The following FRRS1 variants were observed in gnomAD, a reference collection of about 807,000 sequenced individuals.
The protein encoded by FRRS1 is ferric reductase 1.
A neutral mutation model predicts 70.7 loss-of-function variants in FRRS1; 51 were observed. That is an observed-to-expected ratio of 0.72 (90% CI 0.58 to 0.91). The LOEUF is 0.91. FRRS1 is among the 40% of genes least tolerant of loss of function. The pLI, the probability that FRRS1 is intolerant of heterozygous loss-of-function variation, is 0.00. For missense variants in FRRS1, 672 were observed against 726.0 expected, an observed-to-expected ratio of 0.93 and a Z score of 0.86; for synonymous variants, 225 against 238.7, an observed-to-expected ratio of 0.94 and a Z score of 0.53.
chr1:99,705,325 A>T lies in FRRS1; in HGVS notation c.*3703T>A, dbSNP rs1654007993. Among the ~76,000 whole-genome samples the T allele has an allele frequency of 6.6e-6, 1 of 152,184 alleles. No homozygotes were observed. Among genetic ancestry groups the T allele is most frequent in the Non-Finnish European group, 1.5e-5 (1 of 68,016 alleles). ...CATCTGTGACCTGGGTGCAGAGATG[A>T]GCTTGGTAGGGGCTGCACAAGGAAG... On this transcript the variant is annotated 3_prime_UTR_variant, in exon 17 of 17. Transcript: ENST00000646001.
rs1303828978 is a variant in FRRS1 at position 99,719,484 on chromosome 1, T to TG, written c.1120+49dup. 4 of 915,002 alleles carry TG rather than the reference T, an allele frequency of 4.4e-6. No homozygotes were observed. The African/African-American group carries it at 4.9e-5, about 11-fold the overall frequency. The allele number at this position is 915,002 out of a possible 1,614,324, so 56.7% of individuals were successfully genotyped here. A position where few individuals can be genotyped will look rare whatever the true frequency, so the allele number is the denominator to read the frequency against. On this transcript the variant is annotated intron_variant, in intron 10 of 16. Coordinates refer to ENST00000646001, the MANE Select transcript of FRRS1 (RefSeq NM_001361041.2). ...CAGCCATTCCTAATCCAGCCAGCAC[T>TG]GAGTCAGCAGGTAAGTTGATTCCAC...
Position 99,715,617 on chromosome 1 carries a change from A to G in FRRS1, c.1292T>C (p.Met431Thr), listed in dbSNP as rs1272886116. The change falls in exon 12 of 17, where the codon ATG becomes ACG. Residue 431 changes from methionine to threonine, a missense_variant. Coordinates refer to ENST00000646001, the MANE Select transcript of FRRS1 (RefSeq NM_001361041.2). ...CCAGCCTCCCCTGTATATAAACGGCATAACAAAAGCAATGCAGGTGAGGAC... is the reference window on the plus strand; with the variant it reads ...CCAGCCTCCCCTGTATATAAACGGCGTAACAAAAGCAATGCAGGTGAGGAC... ...TTVLTCIAFV[M>T]PFIYRGGWSR... The G allele has an allele frequency of 1.9e-6, 3 of 1,613,430 alleles. No homozygotes were observed. The Admixed American group carries it at 5.0e-5, about 27-fold the overall frequency.
intron 6 of FRRS1, among the ~76,000 whole-genome samples, chr1:99,740,453 C>A (rs1557698885): frequency 6.6e-6 from 1 of 152,194 alleles, no homozygotes; most frequent in Admixed American, 6.5e-5. Context: ...CTTTGCCACA[C>A]AAAATACACA....
At chr1:99,731,999 A>C (rs1655411664) in intron 7 of FRRS1, among the ~76,000 whole-genome samples, 1 of 152,176 alleles carries the variant, frequency 6.6e-6, no homozygotes, top group African/African-American at 2.4e-5. Flanking sequence ...TGTTTTCTAT[A>C]ATATCCATCA....
chr1:99,749,034 A>T, intron 1 of FRRS1, 33 bp from the exon 2 acceptor site: 1 of 294,768 alleles, frequency 3.4e-6, no homozygotes, highest in Middle Eastern at 1.0e-3. Flanking sequence ...TCTCTTTTCA[A>T]TGCTGTTTTT....
At chr1:99,745,152 A>C (rs1357019204) in intron 4 of FRRS1, among the ~76,000 whole-genome samples, 1 of 152,202 alleles carries the variant, frequency 6.6e-6, no homozygotes, top group African/African-American at 2.4e-5. Context: ...AAGAAAGAGC[A>C]GGCTATCTCT....
chr1:99,737,053 G>T (rs1655710953), intron 7 of FRRS1, among the ~76,000 whole-genome samples: 1 of 142,778 alleles, frequency 7.0e-6, no homozygotes, highest in South Asian at 2.3e-4. Flanking sequence ...GAACGCCTGT[G>T]CTAATAAGGG....
chr1:99,737,367 C>T (rs1310263132), intron 7 of FRRS1, among the ~76,000 whole-genome samples: 1 of 152,192 alleles, frequency 6.6e-6, no homozygotes, highest in African/African-American at 2.4e-5. Flanking sequence ...TTAGGAAAGG[C>T]ACTGATGACT....
At chr1:99,761,616 TA>T (rs1190068731) in intron 1 of FRRS1, among the ~76,000 whole-genome samples, 1 of 152,180 alleles carries the variant, frequency 6.6e-6, no homozygotes, top group African/African-American at 2.4e-5. Context: ...AAAACAATAG[TA>T]AATACTATTA....
chr1:99,707,095 C>A lies in FRRS1; in HGVS notation c.*1933G>T, dbSNP rs1233668600. On this transcript the variant is annotated 3_prime_UTR_variant, in exon 17 of 17. Transcript: ENST00000646001. ...TAGCATGGCACATATAGAATATGAA[C>A]ACAGAAAGTTCATATCTAAGCCCTA... Among the ~76,000 whole-genome samples, 1 of 151,858 alleles carries A rather than the reference C, an allele frequency of 6.6e-6. No homozygotes were observed. The highest frequency in any genetic ancestry group is 1.5e-5 in the Non-Finnish European group (1 of 67,958).
intron 12 of FRRS1, among the ~76,000 whole-genome samples, chr1:99,713,965 A>C (rs1654396783): frequency 6.6e-6 from 1 of 152,080 alleles, no homozygotes; most frequent in Admixed American, 6.6e-5. Context: ...AATCATGGCA[A>C]AGACTATAAA....
intron 7 of FRRS1, 77 bp from the exon 8 acceptor site, chr1:99,729,825 T>G (rs1261579776): frequency 2.3e-6 from 2 of 877,450 alleles, no homozygotes; most frequent in Non-Finnish European, 3.7e-6. Flanking sequence ...AAAAAGTACA[T>G]CAGGAAACCA....
At chr1:99,737,767 G>C (rs901191606) in intron 7 of FRRS1, among the ~76,000 whole-genome samples, 3 of 151,958 alleles carry the variant, frequency 2.0e-5, no homozygotes, top group Admixed American at 6.6e-5. Context: ...TTTTTAGATG[G>C]AGTCTCACTC....
intron 11 of FRRS1, among the ~76,000 whole-genome samples, chr1:99,716,749 T>C (rs1365808831): frequency 6.6e-6 from 1 of 152,242 alleles, no homozygotes; most frequent in African/African-American, 2.4e-5. Flanking sequence ...TCAGTGATTT[T>C]CCACTACATA....
chr1:99,749,779 A>C (rs7354938), intron 1 of FRRS1, among the ~76,000 whole-genome samples: 75,196 of 152,000 alleles, frequency 0.49, 22,606 homozygotes, highest in African/African-American at 0.85. Context: ...TCAGTCCCAC[A>C]CTCTTGTAGC....
At chr1:99,716,241 C>G (rs1052274633) in intron 11 of FRRS1, among the ~76,000 whole-genome samples, 3 of 151,948 alleles carry the variant, frequency 2.0e-5, no homozygotes, top group African/African-American at 7.3e-5. Flanking sequence ...TAGGAAGCAC[C>G]CTGTGTATGT....
rs116049245 is a variant in FRRS1, at chr1:99,748,408, T to C, written c.196+165A>G. ...TGTTCTGGATGGGGAATACACAGAC[T>C]ACTTAAGTAATACAGTCATCTGGAA... On this transcript the variant is annotated intron_variant, in intron 3 of 16. Coordinates refer to ENST00000646001, the MANE Select transcript of FRRS1 (RefSeq NM_001361041.2). The C allele has an allele frequency of 5.1e-4, 307 of 599,990 alleles. 1 individual carries two copies. The African/African-American group carries it at 5.4e-3, about 11-fold the overall frequency. The allele number at this position is 599,990 out of a possible 1,614,324, so 37.2% of individuals were successfully genotyped here.
chr1:99,711,853 C>T (rs1654286858), intron 14 of FRRS1, among the ~76,000 whole-genome samples: 1 of 152,094 alleles, frequency 6.6e-6, no homozygotes, highest in South Asian at 2.1e-4. Flanking sequence ...CTGGCAAAGG[C>T]AAATACTAAA....
At chr1:99,760,042 G>T (rs1050217729) in intron 1 of FRRS1, among the ~76,000 whole-genome samples, 1 of 152,136 alleles carries the variant, frequency 6.6e-6, no homozygotes, top group Non-Finnish European at 1.5e-5. Context: ...ATCTAAGTTC[G>T]CCTACCTAAT....
Sources: gnomAD v4.1 joint callset for allele counts (sites outside exome capture counted in the v4.1 genomes callset) on GRCh38, gnomAD v4.1.1 for gene constraint, MANE v1.5 for transcripts, NCBI Gene and HGNC (gene_info 2026-07-23, HGNC 2026-07-21) for gene names.